MED27: variants seen among roughly 807,000 people sequenced by gnomAD.
The protein encoded by MED27 is mediator of RNA polymerase II transcription subunit 27.
MED27 carries 30 observed loss-of-function variants against 38.2 expected under a neutral mutation model. The ratio of observed to expected loss-of-function variants is 0.79; its 90% CI spans 0.59 to 1.07. MED27 has a LOEUF of 1.07. Ranked by LOEUF, MED27 falls within the 50% of genes least tolerant of loss-of-function variation. MED27 has a pLI of 0.00. For synonymous variants in MED27, 122 were observed against 153.5 expected, an observed-to-expected ratio of 0.79 and a Z score of 1.52; for missense variants, 289 against 397.5, an observed-to-expected ratio of 0.73 and a Z score of 2.32.
At chr9:132,023,930 A>G (rs560610162) in intron 2 of MED27, among the ~76,000 whole-genome samples, 28 of 152,302 alleles carry the variant, frequency 1.8e-4, no homozygotes, top group Non-Finnish European at 4.1e-4. Flanking sequence ...TAACAACTGC[A>G]TTGTCCTTTT....
At chr9:131,968,641 C>T (rs1324287590) in intron 3 of MED27, among the ~76,000 whole-genome samples, 1 of 152,088 alleles carries the variant, frequency 6.6e-6, no homozygotes, top group East Asian at 1.9e-4. Context: ...GGCTCTAAGT[C>T]CATCTTTCTT....
rs117095999 is a variant in MED27 at position 131,926,096 on chromosome 9, C to T, written c.573+13285G>A. ...CCTCACTCCTGTGCTCTGGCCACCC[C>T]GCTTCTGTTCTTCTGAGCTTTATCA... On this transcript the variant is annotated intron_variant, in intron 4 of 7. Coordinates refer to ENST00000292035, the MANE Select transcript of MED27 (RefSeq NM_004269.4). Among the ~76,000 whole-genome samples the T allele has an allele frequency of 1.7e-3, 260 of 152,306 alleles. 2 individuals are homozygous for T. The highest frequency in any genetic ancestry group is 2.2e-3 in the Non-Finnish European group (150 of 68,022).
intron 6 of MED27, among the ~76,000 whole-genome samples, chr9:131,863,759 C>T (rs762143777): frequency 3.3e-5 from 5 of 152,124 alleles, no homozygotes; most frequent in Non-Finnish European, 7.4e-5. Flanking sequence ...GAGCCCGGCG[C>T]GCCTGGTGTG....
At chr9:131,944,383 C>T (rs1830842987) in intron 3 of MED27, among the ~76,000 whole-genome samples, 1 of 152,124 alleles carries the variant, frequency 6.6e-6, no homozygotes, top group African/African-American at 2.4e-5. Flanking sequence ...AATCCACTTA[C>T]TAGTATCTGC....
chr9:131,864,676 G>A (rs908040346), intron 6 of MED27, among the ~76,000 whole-genome samples: 19 of 152,254 alleles, frequency 1.2e-4, no homozygotes, highest in Non-Finnish European at 1.0e-4. Flanking sequence ...CAGGGTCCGC[G>A]CCCCGCACGG....
intron 2 of MED27, among the ~76,000 whole-genome samples, chr9:132,027,341 C>T (rs951338310): frequency 6.6e-6 from 1 of 152,232 alleles, no homozygotes. Context: ...CCAACTGCTC[C>T]AGCAGCTTCC....
chr9:131,952,330 C>A (rs1443702679), intron 3 of MED27, among the ~76,000 whole-genome samples: 1 of 152,196 alleles, frequency 6.6e-6, no homozygotes, highest in African/African-American at 2.4e-5. Context: ...AGCAGAGGCA[C>A]CAGCAGCAGA....
intron 1 of MED27, among the ~76,000 whole-genome samples, chr9:132,077,807 G>A (rs1834086332): frequency 2.0e-5 from 3 of 150,880 alleles, no homozygotes; most frequent in Admixed American, 2.0e-4. Flanking sequence ...CCATTCCAAA[G>A]GAGGAAAAAA....
chr9:131,952,922 C>T lies in MED27; in HGVS notation c.480-13448G>A, dbSNP rs138593999. Among the ~76,000 whole-genome samples the T allele has an allele frequency of 5.4e-3, 827 of 152,310 alleles. 16 individuals carry two copies. Among genetic ancestry groups the T allele is most frequent in the African/African-American group, 0.018 (764 of 41,564 alleles). On this transcript the variant is annotated intron_variant, in intron 3 of 7. Coordinates refer to ENST00000292035, the MANE Select transcript of MED27 (RefSeq NM_004269.4). ...AAGTCTCCTCAATCTGGAAATCGTT[C>T]CCTTAGACAATTTCTTCTCAGAACA... is the stretch of plus-strand genomic sequence containing the variant.
intron 2 of MED27, among the ~76,000 whole-genome samples, chr9:132,071,767 A>G (rs1833944918): frequency 6.6e-6 from 1 of 151,434 alleles, no homozygotes; most frequent in African/African-American, 2.4e-5. Flanking sequence ...CATGCATACG[A>G]GTAACACACG....
intron 6 of MED27, among the ~76,000 whole-genome samples, chr9:131,871,247 G>A (rs1413885807): frequency 6.6e-6 from 1 of 152,208 alleles, no homozygotes; most frequent in African/African-American, 2.4e-5. Context: ...CTCTCCTGCG[G>A]TGGGGGCAAA....
chr9:132,025,044 G>A (rs772674514), intron 2 of MED27, among the ~76,000 whole-genome samples: 39 of 152,058 alleles, frequency 2.6e-4, no homozygotes, highest in Non-Finnish European at 4.9e-4. Context: ...AATGCAGGTG[G>A]AAGCCTGTGT....
At chr9:131,955,306 C>G (rs1201375923) in intron 3 of MED27, among the ~76,000 whole-genome samples, 2 of 150,954 alleles carry the variant, frequency 1.3e-5, no homozygotes, top group Non-Finnish European at 3.0e-5. Flanking sequence ...TTTTTAAAAG[C>G]CTATATAAGA....
chr9:131,911,549 C>T (rs1427781467), intron 4 of MED27, among the ~76,000 whole-genome samples: 4 of 152,230 alleles, frequency 2.6e-5, no homozygotes, highest in East Asian at 3.9e-4. Context: ...ACATTTGCTT[C>T]GTGGCAAGGC....
chr9:132,036,927 A>C (rs1046517809), intron 2 of MED27, among the ~76,000 whole-genome samples: 2 of 152,224 alleles, frequency 1.3e-5, no homozygotes, highest in Non-Finnish European at 2.9e-5. Flanking sequence ...AGGCCGAAGG[A>C]ACAACATGTA....
chr9:131,897,592 G>C (rs1443944868), intron 4 of MED27, among the ~76,000 whole-genome samples: 1 of 152,226 alleles, frequency 6.6e-6, no homozygotes, highest in Non-Finnish European at 1.5e-5. Flanking sequence ...CAGATGAAGT[G>C]ATACCATGGC....
chr9:131,998,308 T>C (rs1468407196), intron 3 of MED27, among the ~76,000 whole-genome samples: 1 of 151,378 alleles, frequency 6.6e-6, no homozygotes, highest in Non-Finnish European at 1.5e-5. Flanking sequence ...CCTCCTCCAT[T>C]GGTCACTTCC....
At chr9:131,980,487 T>C (rs1831709034) in intron 3 of MED27, among the ~76,000 whole-genome samples, 2 of 152,194 alleles carry the variant, frequency 1.3e-5, no homozygotes, top group African/African-American at 4.8e-5. Flanking sequence ...TGCTATTTCA[T>C]GTGTCTGCAC....
intron 4 of MED27, among the ~76,000 whole-genome samples, chr9:131,937,610 TCATTCCCTTCAATGC>T (rs1830707050): frequency 6.6e-6 from 1 of 152,180 alleles, no homozygotes; most frequent in African/African-American, 2.4e-5. Context: ...TTCCCTCTGC[TCATTCCCTTCAATGC>T]CAAATCCCAC....
Sources: gnomAD v4.1 joint callset for allele counts (sites outside exome capture counted in the v4.1 genomes callset) on GRCh38, gnomAD v4.1.1 for gene constraint, MANE v1.5 for transcripts, NCBI Gene and HGNC (gene_info 2026-07-23, HGNC 2026-07-21) for gene names.